DNAJC1: variants seen among roughly 807,000 people sequenced by gnomAD.
DNAJC1 encodes the protein dnaJ homolog subfamily C member 1.
DNAJC1 carries 58 observed loss-of-function variants against 76.6 expected under a neutral mutation model. That is an observed-to-expected ratio of 0.76 (90% confidence interval 0.61 to 0.94). The LOEUF (loss-of-function observed/expected upper bound fraction) is 0.94. Ranked by LOEUF, DNAJC1 falls within the 40% of genes least tolerant of loss-of-function variation. The pLI is 0.00. For synonymous variants in DNAJC1, 258 were observed against 267.9 expected (o/e 0.96, Z 0.36); for missense variants, 689 against 677.3 (o/e 1.02, Z -0.19).
intron 3 of DNAJC1, among the ~76,000 whole-genome samples, chr10:21,924,729 A>G (rs957189535): frequency 1.3e-5 from 2 of 152,170 alleles, no homozygotes; most frequent in Non-Finnish European, 2.9e-5. Context: ...TGAAAAATGC[A>G]TAATTAGGCA....
intron 1 of DNAJC1, among the ~76,000 whole-genome samples, chr10:21,979,165 C>T (rs2131835722): frequency 6.6e-6 from 1 of 151,500 alleles, no homozygotes; most frequent in African/African-American, 2.4e-5. Flanking sequence ...TAAAAAAAAC[C>T]AGCTAGAAAT....
intron 9 of DNAJC1, chr10:21,803,741 T>C (rs2131640501): frequency 1.4e-6 from 1 of 716,352 alleles, no homozygotes; most frequent in African/African-American, 1.9e-5. Context: ...TGTGGGTCTA[T>C]ATATATATTG....
chr10:21,867,822 A>G (rs1438577652), intron 8 of DNAJC1, among the ~76,000 whole-genome samples: 1 of 152,024 alleles, frequency 6.6e-6, no homozygotes. Context: ...TTGTAATCCC[A>G]GCACTTTGGG....
chr10:21,891,489 AAAAAAAG>A (rs1251260102), intron 7 of DNAJC1, among the ~76,000 whole-genome samples: 2 of 150,250 alleles, frequency 1.3e-5, no homozygotes, highest in Admixed American at 6.6e-5. Flanking sequence ...AAAAAAAAAA[AAAAAAAG>A]AAAAGAAAAA....
At chr10:21,879,306 T>G (rs1181455977) in intron 8 of DNAJC1, among the ~76,000 whole-genome samples, 15 of 152,170 alleles carry the variant, frequency 9.9e-5, no homozygotes, top group Non-Finnish European at 2.9e-5. Flanking sequence ...CCACACAATT[T>G]TTTTTGTTTC....
intron 1 of DNAJC1, among the ~76,000 whole-genome samples, chr10:22,002,788 G>C (rs141333749): frequency 2.0e-5 from 3 of 151,926 alleles, no homozygotes; most frequent in African/African-American, 7.3e-5. Context: ...GAAGATGACA[G>C]TTTAGGGTGA....
chr10:21,789,548 T>A (rs184509519), intron 9 of DNAJC1, among the ~76,000 whole-genome samples: 1 of 151,924 alleles, frequency 6.6e-6, no homozygotes, highest in African/African-American at 2.4e-5. Flanking sequence ...GTTGCCAGTA[T>A]AGAAATTAAT....
At chr10:21,768,198 T>C (rs543958281) in intron 9 of DNAJC1, among the ~76,000 whole-genome samples, 92 of 152,370 alleles carry the variant, frequency 6.0e-4, no homozygotes, top group African/African-American at 1.6e-3. Flanking sequence ...CCTTTCCATT[T>C]ATTTAAAATA....
intron 9 of DNAJC1, among the ~76,000 whole-genome samples, chr10:21,799,580 G>A (rs1027754155): frequency 1.3e-5 from 2 of 152,154 alleles, no homozygotes; most frequent in Non-Finnish European, 2.9e-5. Context: ...TGGGATTACA[G>A]GCATTAGTTG....
intron 1 of DNAJC1, among the ~76,000 whole-genome samples, chr10:21,960,609 G>A (rs1186250150): frequency 1.3e-5 from 2 of 152,140 alleles, no homozygotes; most frequent in South Asian, 2.1e-4. Context: ...AGGATCACTT[G>A]AGCCCTGGAG....
At chr10:21,861,980 G>A (rs567365421) in intron 8 of DNAJC1, among the ~76,000 whole-genome samples, 12 of 151,948 alleles carry the variant, frequency 7.9e-5, no homozygotes, top group East Asian at 5.8e-4. Flanking sequence ...GTGCAATGGC[G>A]CAATCTTGGC....
At chr10:21,971,440 TAAG>T (rs1837976212) in intron 1 of DNAJC1, among the ~76,000 whole-genome samples, 1 of 151,766 alleles carries the variant, frequency 6.6e-6, no homozygotes, top group African/African-American at 2.4e-5. Flanking sequence ...ATGACCAACT[TAAG>T]AGAAGTTTTA....
chr10:21,880,783 T>G (rs975848199), intron 8 of DNAJC1, among the ~76,000 whole-genome samples: 1 of 152,218 alleles, frequency 6.6e-6, no homozygotes, highest in Admixed American at 6.5e-5. Context: ...AAATGAGCAC[T>G]GGCTTCAACT....
At chr10:21,796,929 G>A (rs1172193234) in intron 9 of DNAJC1, among the ~76,000 whole-genome samples, 1 of 152,056 alleles carries the variant, frequency 6.6e-6, no homozygotes, top group African/African-American at 2.4e-5. Flanking sequence ...TTTCTTTGCT[G>A]TACAGAAGCT....
chr10:21,886,002 A>G, intron 7 of DNAJC1, among the ~76,000 whole-genome samples: 1 of 152,172 alleles, frequency 6.6e-6, no homozygotes, highest in South Asian at 2.1e-4. Context: ...GAAATGAAGG[A>G]GACAGAGACA....
intron 8 of DNAJC1, among the ~76,000 whole-genome samples, chr10:21,873,307 C>A (rs948805879): frequency 3.3e-5 from 5 of 152,004 alleles, no homozygotes; most frequent in African/African-American, 1.2e-4. Context: ...CTGCTACAGA[C>A]CCATATTAAG....
intron 6 of DNAJC1, among the ~76,000 whole-genome samples, chr10:21,905,828 AG>A (rs908877946): frequency 8.5e-5 from 13 of 152,274 alleles, no homozygotes; most frequent in African/African-American, 3.1e-4. Flanking sequence ...AAGAAAAAGA[AG>A]GGTTTCAAGA....
intron 8 of DNAJC1, among the ~76,000 whole-genome samples, chr10:21,854,001 C>A (rs900309648): frequency 6.6e-6 from 1 of 151,850 alleles, no homozygotes; most frequent in Non-Finnish European, 1.5e-5. Context: ...AGGATAAGAA[C>A]ATGTAATAGA....
chr10:21,830,504 T>A (rs559724651), intron 8 of DNAJC1, among the ~76,000 whole-genome samples: 1 of 152,290 alleles, frequency 6.6e-6, no homozygotes, highest in East Asian at 1.9e-4. Flanking sequence ...CTGTGGTTAG[T>A]TTTAAGATTT....
Sources: allele counts gnomAD v4.1 joint callset (sites outside exome capture counted in the v4.1 genomes callset), GRCh38; gene constraint gnomAD v4.1.1; transcripts MANE v1.5; gene names NCBI Gene and HGNC (gene_info 2026-07-23, HGNC 2026-07-21).